The following KIAA1210 variants were observed in gnomAD, a reference collection of about 807,000 sequenced individuals.
KIAA1210 encodes KIAA1210.
KIAA1210 carries 48 observed loss-of-function variants against 78.9 expected under a neutral mutation model. That is an observed-to-expected ratio of 0.61 (90% CI 0.48 to 0.77). KIAA1210 has a LOEUF of 0.77. Ranked by LOEUF, KIAA1210 falls within the 30% of genes least tolerant of loss-of-function variation. KIAA1210 has a pLI of 0.00. For synonymous variants in KIAA1210, 406 were observed against 404.5 expected, an observed-to-expected ratio of 1.00 and a Z score of -0.04; for missense variants, 1,108 against 1,100.0, an observed-to-expected ratio of 1.01 and a Z score of -0.10.
At chrX:119,106,095 G>A (rs1927885369) in intron 5 of KIAA1210, among the ~76,000 whole-genome samples, 1 of 111,779 alleles carries the variant, frequency 8.9e-6, no homozygotes, top group Admixed American at 9.5e-5. Context: ...TACAAAGGTT[G>A]TGCTCCTGGG....
chrX:119,113,288 T>C (rs1164159584), intron 3 of KIAA1210, among the ~76,000 whole-genome samples: 1 of 111,706 alleles, frequency 9.0e-6, no homozygotes, highest in Non-Finnish European at 1.9e-5. Flanking sequence ...CTCTGTGGAT[T>C]TACAAAAAAC....
At position 119,081,074 on chromosome X, in the gene KIAA1210, C is replaced by T. The variant is rs1192409294; in HGVS notation, c.*255G>A. ...GTCAGGAGATCAAGACCATCCTGGC[C>T]AACATGGTGAAACCCCGTCTCTACT... is the stretch of plus-strand genomic sequence containing the variant. On this transcript the variant is annotated 3_prime_UTR_variant, in exon 12 of 12. Coordinates refer to ENST00000691062, the MANE Select transcript of KIAA1210 (RefSeq NM_001394962.1). 4.8e-6 allele frequency: 1 copy of T among 207,545 alleles called. No individual in the cohort carries two copies. Among genetic ancestry groups the T allele is most frequent in the African/African-American group, 3.0e-5 (1 of 33,497 alleles). The allele number at this position is 207,545 out of a possible 1,213,427, so 17.1% of individuals were successfully genotyped here. A position where few individuals can be genotyped will look rare whatever the true frequency, so the allele number is the denominator to read the frequency against.
chrX:119,119,940 C>A (rs1395176004), intron 2 of KIAA1210, among the ~76,000 whole-genome samples: 2 of 95,740 alleles, frequency 2.1e-5, no homozygotes, highest in African/African-American at 8.1e-5. Context: ...CCAGCCATTA[C>A]ACTCCAGCCT....
chrX:119,146,898 A>T, intron 2 of KIAA1210, among the ~76,000 whole-genome samples: 1 of 110,065 alleles, frequency 9.1e-6, no homozygotes, highest in Admixed American at 9.7e-5. Flanking sequence ...GGGGGAAAGA[A>T]AAAAAAAACA....
intron 11 of KIAA1210, among the ~76,000 whole-genome samples, chrX:119,082,039 C>G (rs1239691576): frequency 8.9e-6 from 1 of 111,871 alleles, no homozygotes; most frequent in African/African-American, 3.2e-5. Context: ...ATTCCACTCC[C>G]TCCCTCATCC....
At chrX:119,119,975 C>CAAAAAAAA (rs11342308) in intron 2 of KIAA1210, among the ~76,000 whole-genome samples, 2 of 35,746 alleles carry the variant, frequency 5.6e-5, no homozygotes, top group Admixed American at 3.2e-4. Flanking sequence ...GACTCCATCT[C>CAAAAAAAA]AAAAAAAAAA....
intron 11 of KIAA1210, among the ~76,000 whole-genome samples, chrX:119,082,431 C>G (rs1003635036): frequency 1.3e-3 from 149 of 111,940 alleles, no homozygotes; most frequent in African/African-American, 4.6e-3. Flanking sequence ...TCATCCACTC[C>G]CCTGCTCCTG....
chrX:119,137,677 A>AT (rs1013798553), intron 2 of KIAA1210, among the ~76,000 whole-genome samples: 16 of 111,901 alleles, frequency 1.4e-4, no homozygotes, highest in Non-Finnish European at 2.3e-4. Flanking sequence ...ACATTATGAG[A>AT]TTTTTTTTAC....
At position 119,086,910 on chromosome X, in the gene KIAA1210, T is replaced by G. The variant is rs1487640608; in HGVS notation, c.3792A>C (p.Thr1264=). The G allele has an allele frequency of 8.3e-7, 1 of 1,211,560 alleles. No homozygotes were observed. The change falls in exon 9 of 12, where the codon ACA becomes ACC. Residue 1264 remains threonine, a synonymous_variant. Transcript: ENST00000691062. ...GKFTIAPVRQ[T]STSGGIYSKK... ...TAGAGTAAATGCCCCCAGAAGTGGA[T>G]GTTTGCCTGACAGGAGCAATGGTGA...
upstream of KIAA1210, among the ~76,000 whole-genome samples, chrX:119,130,255 C>T: frequency 8.9e-6 from 1 of 112,441 alleles, no homozygotes; most frequent in African/African-American, 3.2e-5. Flanking sequence ...ACCCCTGACT[C>T]ACAGCCCCAT....
chrX:119,102,390 CAG>C (rs1230088666), intron 6 of KIAA1210, among the ~76,000 whole-genome samples: 1 of 111,669 alleles, frequency 9.0e-6, no homozygotes, highest in Non-Finnish European at 1.9e-5. Context: ...ATTTTAGAGA[CAG>C]AGTCTCACTA....
At position 119,088,324 on chromosome X, in the gene KIAA1210, C is replaced by T. The variant is rs747787268; in HGVS notation, c.2378G>A (p.Ser793Asn). The change falls in exon 9 of 12, where the codon AGC (serine) becomes AAC (asparagine). Residue 793 changes from serine to asparagine, a missense_variant. This residue lies in a region of KIAA1210 where 672 missense variants were observed against 607.1 expected (regional missense o/e 1.11). Coordinates refer to ENST00000691062, the MANE Select transcript of KIAA1210 (RefSeq NM_001394962.1). Reference sequence around the variant, plus strand: ...AGAAATGCTCTCTTCAACAGCCATGCTCTTTGGAGATGAGGAAACTTCTTG... The same window carrying T: ...AGAAATGCTCTCTTCAACAGCCATGTTCTTTGGAGATGAGGAAACTTCTTG... ...VEQEVSSSPK[S>N]MAVEESISMK... 2.2e-5 allele frequency: 27 copies of T among 1,208,676 alleles called. No homozygotes were observed. The highest frequency in any genetic ancestry group is 6.6e-5 in the Admixed American group (3 of 45,692).
At chrX:119,106,688 C>T (rs1251504815) in intron 5 of KIAA1210, among the ~76,000 whole-genome samples, 2 of 112,343 alleles carry the variant, frequency 1.8e-5, no homozygotes, top group Non-Finnish European at 3.8e-5. Context: ...AATAATCTGC[C>T]ATTGTATCTT....
Position 119,088,360 on chromosome X carries a change from G to A in KIAA1210, c.2342C>T (p.Pro781Leu), listed in dbSNP as rs749665375. 1.8e-5 allele frequency: 22 copies of A among 1,211,029 alleles called. No homozygotes were observed. Among genetic ancestry groups the A allele is most frequent in the Non-Finnish European group, 2.5e-5 (22 of 895,171 alleles). Residue 781 changes from proline (P) to leucine (L), a missense_variant, in exon 9 of 12, where the codon CCT becomes CTT. Around this residue, in one of 5 missense-constraint regions of KIAA1210, gnomAD observed 672 missense variants for 607.1 expected, o/e 1.11. Coordinates refer to ENST00000691062, the MANE Select transcript of KIAA1210 (RefSeq NM_001394962.1). ...TGAGGAAACTTCTTGCTCCACTTTA[G>A]GGTTCACCCATGGCTGGAAAGGGTG... ...PRHPFQPWVN[P>L]KVEQEVSSSP...
intron 2 of KIAA1210, chrX:119,147,332 C>T: frequency 1.5e-6 from 1 of 646,648 alleles, no homozygotes; most frequent in Non-Finnish European, 2.3e-6. Flanking sequence ...TTTGTGGCTT[C>T]TAATCTCAAA....
intron 6 of KIAA1210, among the ~76,000 whole-genome samples, chrX:119,099,640 G>A (rs370938829): frequency 4.5e-5 from 5 of 111,980 alleles, no homozygotes; most frequent in East Asian, 5.6e-4. Flanking sequence ...TAACTCACCA[G>A]TGAATTAAAT....
At chrX:119,140,892 C>G (rs1929034366) in intron 2 of KIAA1210, among the ~76,000 whole-genome samples, 1 of 112,579 alleles carries the variant, frequency 8.9e-6, no homozygotes, top group Non-Finnish European at 1.9e-5. Context: ...CTGGACAACA[C>G]AGCAAGACCC....
At chrX:119,104,030 G>A (rs188406134) in intron 6 of KIAA1210, among the ~76,000 whole-genome samples, 26 of 112,297 alleles carry the variant, frequency 2.3e-4, no homozygotes, top group Admixed American at 5.6e-4. Context: ...TAGTGGTGAT[G>A]ATTGTACAAC....
Position 119,127,309 on chromosome X carries a change from C to T in KIAA1210, c.-11+418G>A, listed in dbSNP as rs1215760617. On this transcript the variant is annotated intron_variant, in intron 1 of 11. Transcript: ENST00000691062. The stretch of plus-strand genomic sequence containing the variant: ...GTAGGCTAACATTGTCATTGACCTA[C>T]CACTGTCAAGTGTAGAAGATAGAAA... 4.6e-5 allele frequency among the ~76,000 whole-genome samples: 5 copies of T among 108,116 alleles called. No homozygotes were observed. The East Asian group carries it at 1.4e-3, about 31-fold the overall frequency. The allele number at this position is 108,116 out of a possible 115,157, so 93.9% of individuals were successfully genotyped here.
Sources: allele counts gnomAD v4.1 joint callset (sites outside exome capture counted in the v4.1 genomes callset), GRCh38; gene constraint gnomAD v4.1.1; regional missense constraint gnomAD v4.1.1; transcripts MANE v1.5; gene names NCBI Gene and HGNC (gene_info 2026-07-23, HGNC 2026-07-21).